The following COLEC12 variants were observed in gnomAD, a reference collection of about 807,000 sequenced individuals.
The protein encoded by COLEC12 is collectin-12.
A neutral mutation model predicts 71.1 loss-of-function variants in COLEC12; 33 were observed. The observed-to-expected ratio is 0.46, with a 90% confidence interval of 0.35 to 0.62. COLEC12 has a LOEUF of 0.62. Among genes scored for constraint, COLEC12 ranks in the 20% least tolerant of loss-of-function variants. COLEC12 has a pLI of 0.00. For synonymous variants in COLEC12, 350 were observed against 353.0 expected (o/e 0.99, Z 0.10); for missense variants, 765 against 916.1 (o/e 0.84, Z 2.13).
In COLEC12 at chr18:327,291, AG is replaced by A. The variant is rs1383236519; in HGVS notation, c.2063+4376del. Among the ~76,000 whole-genome samples, 1 of 152,148 alleles carries A rather than the reference AG, an allele frequency of 6.6e-6. No homozygotes were observed. The highest frequency in any genetic ancestry group is 1.5e-5 in the Non-Finnish European group (1 of 68,040). ...GATTTGCTGATTGGTACTTTCTAAAAGCCTTGTCCTTAATTGGCAAATAAAA... is the reference window on the plus strand; with the variant it reads ...GATTTGCTGATTGGTACTTTCTAAAACCTTGTCCTTAATTGGCAAATAAAA... On this transcript the variant is annotated intron_variant, in intron 8 of 9. Coordinates refer to ENST00000400256, the MANE Select transcript of COLEC12 (RefSeq NM_130386.3). This position sits in a 1 kb window ranked among gnomAD's most constrained non-coding sequence, Gnocchi z 4.0.
chr18:411,585 C>A (rs2143636501), intron 2 of COLEC12, among the ~76,000 whole-genome samples: 2 of 152,092 alleles, frequency 1.3e-5, no homozygotes, highest in South Asian at 2.1e-4. Flanking sequence ...AATAAATAAC[C>A]AAAGTTATTT....
At chr18:440,534 C>T (rs763456946) in intron 2 of COLEC12, among the ~76,000 whole-genome samples, 4 of 151,950 alleles carry the variant, frequency 2.6e-5, no homozygotes, top group Non-Finnish European at 4.4e-5. Flanking sequence ...TCAACAAAGC[C>T]GAAAAAATTC....
chr18:427,791 G>T (rs1916226187), intron 2 of COLEC12, among the ~76,000 whole-genome samples: 1 of 152,066 alleles, frequency 6.6e-6, no homozygotes, highest in South Asian at 2.1e-4. Context: ...GGATGAAGGA[G>T]ACCCTAGGCC....
At chr18:381,353 A>G (rs2143561547) in intron 2 of COLEC12, among the ~76,000 whole-genome samples, 1 of 152,348 alleles carries the variant, frequency 6.6e-6, no homozygotes, top group Admixed American at 6.5e-5. Flanking sequence ...CAACATAAAG[A>G]AATGATAAAT....
chr18:350,006 C>T (rs1914474103), intron 3 of COLEC12, among the ~76,000 whole-genome samples: 2 of 152,214 alleles, frequency 1.3e-5, no homozygotes, highest in South Asian at 4.1e-4. Flanking sequence ...AGGGTTAATG[C>T]TGAAATGAGT....
In COLEC12 at chr18:335,093, G is replaced by C. The variant is rs188943034; in HGVS notation, c.1465C>G (p.Pro489Ala). ...GPAGERGPIG[P>A]AGPPGERGGK... Reference sequence around the variant, plus strand: ...CCACGCTCTCCGGGGGGACCAGCTGGTCCAATTGGGCCTCTCTCACCCGCA... The same window carrying C: ...CCACGCTCTCCGGGGGGACCAGCTGCTCCAATTGGGCCTCTCTCACCCGCA... Residue 489 changes from proline (P) to alanine (A), a missense_variant, in exon 6 of 10, where the codon CCA becomes GCA. Pro to Ala is a conservative substitution (Grantham distance 27). Transcript: ENST00000400256. 2 of 1,611,954 alleles carry C rather than the reference G, an allele frequency of 1.2e-6. No homozygotes were observed. The highest frequency in any genetic ancestry group is 1.7e-6 in the Non-Finnish European group (2 of 1,179,298).
chr18:366,628 C>CTAG (rs1204683902), intron 2 of COLEC12, among the ~76,000 whole-genome samples: 2 of 152,218 alleles, frequency 1.3e-5, no homozygotes, highest in African/African-American at 4.8e-5. Flanking sequence ...GGAGCACCCG[C>CTAG]TAGTACTCGG....
At chr18:487,983 T>C (rs1917550755) in intron 1 of COLEC12, among the ~76,000 whole-genome samples, 1 of 151,926 alleles carries the variant, frequency 6.6e-6, no homozygotes, top group East Asian at 1.9e-4. Context: ...AGAAACCAGA[T>C]AAAGCAATTG....
At chr18:343,423 C>A (rs1012857140) in intron 5 of COLEC12, among the ~76,000 whole-genome samples, 1 of 151,890 alleles carries the variant, frequency 6.6e-6, no homozygotes, top group Non-Finnish European at 1.5e-5. Context: ...AATGAGGGTA[C>A]CCACTTCTCC....
At position 500,563 on chromosome 18, in the gene COLEC12, G is replaced by A. The variant is rs1312089931; in HGVS notation, c.-49C>T. 9 of 1,215,916 alleles carry A rather than the reference G, an allele frequency of 7.4e-6. No homozygotes were observed. Among genetic ancestry groups the A allele is most frequent in the Non-Finnish European group, 9.2e-6 (9 of 977,996 alleles). The allele number at this position is 1,215,916 out of a possible 1,614,324, so 75.3% of individuals were successfully genotyped here. On this transcript the variant is annotated 5_prime_UTR_variant, in exon 1 of 10. Transcript: ENST00000400256. The surrounding 1 kb of genome is among the most constrained non-coding windows in gnomAD (Gnocchi z 5.3). ...GGCCGGGGAGCTCCGCGCGAGCGCC[G>A]CGCAGCCGAGGAAGTCGTCCCGAGC...
At chr18:420,647 T>C (rs1456130460) in intron 2 of COLEC12, among the ~76,000 whole-genome samples, 2 of 152,184 alleles carry the variant, frequency 1.3e-5, no homozygotes, top group Non-Finnish European at 2.9e-5. Context: ...ATTTGGCAAA[T>C]GATTTTGCAA....
At chr18:414,669 T>C (rs1283137019) in intron 2 of COLEC12, among the ~76,000 whole-genome samples, 1 of 152,070 alleles carries the variant, frequency 6.6e-6, no homozygotes, top group Non-Finnish European at 1.5e-5. Context: ...TCTTTAAGGA[T>C]AGAAGAGCCC....
chr18:451,344 C>G (rs1322972317), intron 2 of COLEC12, among the ~76,000 whole-genome samples: 1 of 151,412 alleles, frequency 6.6e-6, no homozygotes, highest in Non-Finnish European at 1.5e-5. Context: ...AAGCGGAGCC[C>G]AAAAGTTTGG....
chr18:386,531 C>T (rs776012546), intron 2 of COLEC12, among the ~76,000 whole-genome samples: 7 of 152,188 alleles, frequency 4.6e-5, no homozygotes, highest in Non-Finnish European at 1.0e-4. Context: ...ATTGGAGAAG[C>T]ACTGCCATTG....
intron 2 of COLEC12, among the ~76,000 whole-genome samples, chr18:460,140 T>C (rs551723907): frequency 1.3e-5 from 2 of 152,194 alleles, no homozygotes; most frequent in Non-Finnish European, 2.9e-5. Flanking sequence ...AAGAACGTTT[T>C]TGACAAGAGA....
chr18:476,536 A>G (rs1207830516), intron 2 of COLEC12, among the ~76,000 whole-genome samples: 1 of 152,238 alleles, frequency 6.6e-6, no homozygotes, highest in East Asian at 1.9e-4. Context: ...CAAAAATAAC[A>G]GAAGAGAACC....
chr18:317,294 TC>T lies in COLEC12; in HGVS notation c.*2750del. 6.6e-6 allele frequency: 1 copy of T among 152,290 alleles called. No individual in the cohort carries two copies. The highest frequency in any genetic ancestry group is 3.4e-3 in the Middle Eastern group (1 of 294). 9.4% of individuals were successfully genotyped at this position (152,290 alleles called of 1,614,324 possible). On this transcript the variant is annotated 3_prime_UTR_variant, in exon 10 of 10. Coordinates refer to ENST00000400256, the MANE Select transcript of COLEC12 (RefSeq NM_130386.3). ...TAAATATAGAGACGTATAGGAGGCA[TC>T]TTGTAATGTGTGATTATTCATTTGA...
In COLEC12 at chr18:473,226, C is replaced by T. The variant is rs1917236091; in HGVS notation, c.58+7481G>A. Among the ~76,000 whole-genome samples, 3 of 152,074 alleles carry T rather than the reference C, an allele frequency of 2.0e-5. No individual in the cohort carries two copies. The South Asian group carries it at 6.2e-4, about 32-fold the overall frequency. On this transcript the variant is annotated intron_variant, in intron 2 of 9. Transcript: ENST00000400256. ...CACAGTGTAGACTGAACACAAAGGG[C>T]CCCAGGGAGAACGTGAGAGAGAAAA... is the stretch of plus-strand genomic sequence containing the variant.
At chr18:380,666 G>C (rs1915211683) in intron 2 of COLEC12, among the ~76,000 whole-genome samples, 1 of 152,100 alleles carries the variant, frequency 6.6e-6, no homozygotes, top group African/African-American at 2.4e-5. Context: ...GTGGGTTCCA[G>C]GTGGGCCCCT....
Sources: allele counts gnomAD v4.1 joint callset (sites outside exome capture counted in the v4.1 genomes callset), GRCh38; gene constraint gnomAD v4.1.1; non-coding constraint Gnocchi (gnomAD v3.1); transcripts MANE v1.5; gene names NCBI Gene and HGNC (gene_info 2026-07-23, HGNC 2026-07-21).